The following NBPF26 variants were observed in gnomAD, a reference collection of about 807,000 sequenced individuals.
NBPF26 encodes NBPF family member NBPF26.
NBPF26 carries 79 observed loss-of-function variants against 119.6 expected under a neutral mutation model. The ratio of observed to expected loss-of-function variants is 0.66; its 90% CI spans 0.55 to 0.80. The LOEUF is 0.80. NBPF26 is among the 30% of genes least tolerant of loss of function. The probability of loss-of-function intolerance (pLI) is 0.00; values close to 1 mark genes in which losing one functional copy is unlikely to be tolerated. For missense variants in NBPF26, 800 were observed against 1,198.2 expected (o/e 0.67, Z 4.91); for synonymous variants, 299 against 457.7 (o/e 0.65, Z 4.43).
chr1:120,759,011 T>A (rs1651105422), intron 1 of NBPF26, among the ~76,000 whole-genome samples: 2 of 111,836 alleles, frequency 1.8e-5, no homozygotes, highest in African/African-American at 1.1e-4. Context: ...ATTTTATTAA[T>A]TTTTTAGCCA....
Position 120,805,632 on chromosome 1 carries a change from G to A in NBPF26, c.828G>A (p.Glu276=). 3 of 1,462,868 alleles carry A rather than the reference G, an allele frequency of 2.1e-6. 1 individual carries two copies. Among genetic ancestry groups the A allele is most frequent in the Non-Finnish European group, 2.8e-6 (3 of 1,081,656 alleles). The allele number at this position is 1,462,868 out of a possible 1,614,324, so 90.6% of individuals were successfully genotyped here. ...GCCATTGGTCCAGTGAGAAGGCAGAGATGAACATTCTAGAAATCAACGAGA... is the reference window on the plus strand; with the variant it reads ...GCCATTGGTCCAGTGAGAAGGCAGAAATGAACATTCTAGAAATCAACGAGA... The change falls in exon 5 of 30, where the codon GAG becomes GAA. Residue 276 remains glutamate (E), a synonymous_variant. Coordinates refer to ENST00000620612, the Ensembl canonical transcript of NBPF26.
At chr1:120,823,499 G>A (rs1652172223) in intron 17 of NBPF26, 139 bp downstream of exon 17, 1 of 592,106 alleles carries the variant, frequency 1.7e-6, no homozygotes, top group Non-Finnish European at 2.9e-6. Context: ...TTGCTTTTTG[G>A]TTCTCATTAG....
At chr1:120,763,645 G>A in exon 2 of NBPF26, 1 of 1,401,504 alleles carries the variant, frequency 7.1e-7, no homozygotes, top group Non-Finnish European at 9.6e-7. Flanking sequence ...GTGTCGAGAT[G>A]GCTATGAACC....
At position 120,818,191 on chromosome 1, in the gene NBPF26, G is replaced by A; in HGVS notation, c.2423+17G>A. On this transcript the variant is annotated intron_variant, in intron 15 of 29. Transcript: ENST00000620612. ...GTCTCCCAGGTAATGTTGTGGAATT[G>A]TTGGCTGTTAATTCAGTAGTGACAT... 3 of 485,644 alleles carry A rather than the reference G, an allele frequency of 6.2e-6. No homozygotes were observed. The highest frequency in any genetic ancestry group is 3.0e-5 in the East Asian group (1 of 33,446). 30.1% of individuals were successfully genotyped at this position (485,644 alleles called of 1,614,324 possible).
In NBPF26 at chr1:120,812,059, C is replaced by G. The variant is rs1553271070; in HGVS notation, c.1738C>G (p.Leu580Val). 1.9e-5 allele frequency: 25 copies of G among 1,287,544 alleles called. 3 individuals carry two copies. The highest frequency in any genetic ancestry group is 2.6e-5 in the Non-Finnish European group (25 of 943,460). 79.8% of individuals were successfully genotyped at this position (1,287,544 alleles called of 1,614,324 possible). Residue 580 changes from leucine to valine, a missense_variant, in exon 10 of 30, where the codon CTG becomes GTG. By Grantham distance (32) the Leu-to-Val change is conservative. Coordinates refer to ENST00000620612, the Ensembl canonical transcript of NBPF26. Reference sequence around the variant, plus strand: ...CAAAGAGAAATGTTTTCTAACTCAACTGGCCGGCTTCCTGGCCAACCAGCA... The same window carrying G: ...CAAAGAGAAATGTTTTCTAACTCAAGTGGCCGGCTTCCTGGCCAACCAGCA...
intron 10 of NBPF26, 56 bp downstream of exon 10, chr1:120,812,151 C>T: frequency 1.0e-6 from 1 of 992,832 alleles, no homozygotes; most frequent in South Asian, 1.4e-5. Flanking sequence ...TGTCTTCTCT[C>T]TGAGACACTA....
Position 120,805,544 on chromosome 1 carries a change from T to A in NBPF26, c.752-12T>A, listed in dbSNP as rs1651660905. On this transcript the variant is annotated splice_polypyrimidine_tract_variant and intron_variant, in intron 4 of 29. Transcript: ENST00000620612. ...TTTTAACCCATCATATGTTTGGGTT[T>A]CTTCTCCCCAGTCCCTGACTCCACC... 2.3e-6 allele frequency: 3 copies of A among 1,307,902 alleles called. 1 individual carries two copies. In the South Asian group the frequency reaches 3.7e-5, roughly 16 times the overall value. 81.0% of individuals were successfully genotyped at this position (1,307,902 alleles called of 1,614,324 possible).
rs1417371856 is a variant in NBPF26, at chr1:120,807,427, T to G, written c.962-180T>G. On this transcript the variant is annotated intron_variant, in intron 5 of 29. Coordinates refer to ENST00000620612, the Ensembl canonical transcript of NBPF26. The stretch of plus-strand genomic sequence containing the variant: ...TTTCTCTTTCTTCGTCTTTAAATTT[T>G]GGAGGATCAGATGCCAGAAAGTCAG... Among the ~76,000 whole-genome samples the G allele has an allele frequency of 1.7e-4, 21 of 121,268 alleles. 6 individuals are homozygous for G. The highest frequency in any genetic ancestry group is 2.4e-4 in the Admixed American group (3 of 12,668). The allele number at this position is 121,268 out of a possible 152,430, so 79.6% of individuals were successfully genotyped here.
chr1:120,840,538 T>A lies in NBPF26; in HGVS notation c.4292T>A (p.Leu1431Ter). The stretch of plus-strand genomic sequence containing the variant: ...TACGTGGACAATAGGTTTTTTACTT[T>A]GACGGTGACAAGTCTCCACCTGGTG... The change falls in exon 30 of 30, where the codon TTG becomes TAG. Residue 1431 changes from leucine to a stop codon, truncating the protein, a stop_gained. Transcript: ENST00000620612. LOFTEE classifies it low-confidence loss of function (END_TRUNC). 3 of 1,469,766 alleles carry A rather than the reference T, an allele frequency of 2.0e-6. 1 individual carries two copies. Among genetic ancestry groups the A allele is most frequent in the Non-Finnish European group, 2.8e-6 (3 of 1,086,296 alleles). The allele number at this position is 1,469,766 out of a possible 1,614,324, so 91.0% of individuals were successfully genotyped here.
chr1:120,813,979 A>C (rs1651942148), exon 11 of NBPF26: 2 of 1,499,268 alleles, frequency 1.3e-6, no homozygotes, highest in East Asian at 4.5e-5. Flanking sequence ...AGCTCAAGCA[A>C]GCTGAGGAGC....
rs1304804243 is a variant in NBPF26, at chr1:120,758,988, A to G, written c.74-4640A>G. On this transcript the variant is annotated intron_variant, in intron 1 of 29. Transcript: ENST00000620612. ...TTTCCAATGGAACTTATCGCTTATT[A>G]CTGTCCTAAATTATTTTATTAATTT... Among the ~76,000 whole-genome samples, 6 of 110,836 alleles carry G rather than the reference A, an allele frequency of 5.4e-5. 1 individual carries two copies. The highest frequency in any genetic ancestry group is 1.0e-4 in the Non-Finnish European group (6 of 59,308). 72.7% of individuals were successfully genotyped at this position (110,836 alleles called of 152,430 possible).
rs1444363569 is a variant in NBPF26, at chr1:120,801,627, C to T, written c.752-3929C>T. Reference sequence around the variant, plus strand: ...GGAGGATCGCTTGAGGCCAGAAGTTCAAAACCAGCCTGAGCAACATAGCAA... The same window carrying T: ...GGAGGATCGCTTGAGGCCAGAAGTTTAAAACCAGCCTGAGCAACATAGCAA... On this transcript the variant is annotated intron_variant, in intron 4 of 29. Transcript: ENST00000620612. Among the ~76,000 whole-genome samples the T allele has an allele frequency of 3.9e-5, 4 of 102,310 alleles. 1 individual carries two copies. The highest frequency in any genetic ancestry group is 1.3e-4 in the African/African-American group (2 of 15,870). The allele number at this position is 102,310 out of a possible 152,430, so 67.1% of individuals were successfully genotyped here.
Position 120,727,294 on chromosome 1 carries a change from A to T in NBPF26, c.73+3044A>T, listed in dbSNP as rs1175281240. Among the ~76,000 whole-genome samples, 2 of 98,984 alleles carry T rather than the reference A, an allele frequency of 2.0e-5. 1 individual carries two copies. Among genetic ancestry groups the T allele is most frequent in the Non-Finnish European group, 3.7e-5 (2 of 53,634 alleles). The allele number at this position is 98,984 out of a possible 152,430, so 64.9% of individuals were successfully genotyped here. ...TGGTTGCAACCCACTGATTAAGTAC[A>T]TTTTTTTTTACCTTCAGGTGTGTGT... On this transcript the variant is annotated intron_variant, in intron 1 of 29. Transcript: ENST00000620612.
chr1:120,759,720 A>G lies in NBPF26; in HGVS notation c.74-3908A>G, dbSNP rs1209834180. 8.5e-4 allele frequency among the ~76,000 whole-genome samples: 96 copies of G among 113,172 alleles called. 17 individuals carry two copies. The highest frequency in any genetic ancestry group is 3.8e-3 in the Admixed American group (44 of 11,718). 74.2% of individuals were successfully genotyped at this position (113,172 alleles called of 152,430 possible). A position where few individuals can be genotyped will look rare whatever the true frequency, so the allele number is the denominator to read the frequency against. ...CTTTTTTTAAAAATTAGAATTGTCA[A>G]TTTATAGTTGTATACATTTATAGGG... is the stretch of plus-strand genomic sequence containing the variant. On this transcript the variant is annotated intron_variant, in intron 1 of 29. Coordinates refer to ENST00000620612, the Ensembl canonical transcript of NBPF26.
chr1:120,804,729 T>G (rs1651637529), intron 4 of NBPF26, among the ~76,000 whole-genome samples: 1 of 116,918 alleles, frequency 8.6e-6, no homozygotes, highest in African/African-American at 5.0e-5. Context: ...GACGTAGGGA[T>G]GTCAAACTGG....
At chr1:120,808,080 T>C (rs1651748704) in intron 6 of NBPF26, among the ~76,000 whole-genome samples, 1 of 119,680 alleles carries the variant, frequency 8.4e-6, no homozygotes. Context: ...CGGCTTCTCA[T>C]TCTTTCACTC....
rs1177031452 is a variant in NBPF26, at chr1:120,823,752, CTGTGTGTGTG to C, written c.2640-192_2640-183del. The stretch of plus-strand genomic sequence containing the variant: ...ACCTGACCAATTCACTGAGCTCGCT[CTGTGTGTGTG>C]TGTGTGTGTGTGTGTGTGTGTGTGT... On this transcript the variant is annotated intron_variant, in intron 17 of 29. Coordinates refer to ENST00000620612, the Ensembl canonical transcript of NBPF26. Among the ~76,000 whole-genome samples the C allele has an allele frequency of 3.0e-4, 22 of 73,372 alleles. 4 individuals carry two copies. Among genetic ancestry groups the C allele is most frequent in the African/African-American group, 6.8e-4 (6 of 8,860 alleles). The allele number at this position is 73,372 out of a possible 152,430, so 48.1% of individuals were successfully genotyped here.
Position 120,816,837 on chromosome 1 carries a change from G to A in NBPF26, c.2371+10G>A, listed in dbSNP as rs1652018330. Reference sequence around the variant, plus strand: ...GTACACATTATTCCAGGTAGCCTCTGTTTTCCTTGTGTCTCATACCTCTTT... The same window carrying A: ...GTACACATTATTCCAGGTAGCCTCTATTTTCCTTGTGTCTCATACCTCTTT... On this transcript the variant is annotated intron_variant, in intron 14 of 29. Transcript: ENST00000620612. 5 of 1,448,474 alleles carry A rather than the reference G, an allele frequency of 3.5e-6. No homozygotes were observed. The highest frequency in any genetic ancestry group is 1.2e-5 in the South Asian group (1 of 83,706). 89.7% of individuals were successfully genotyped at this position (1,448,474 alleles called of 1,614,324 possible). A position where few individuals can be genotyped will look rare whatever the true frequency, so the allele number is the denominator to read the frequency against.
rs1222222014 is a variant in NBPF26 at position 120,805,156 on chromosome 1, T to A, written c.752-400T>A. Among the ~76,000 whole-genome samples the A allele has an allele frequency of 2.5e-5, 3 of 121,106 alleles. 1 individual carries two copies. The highest frequency in any genetic ancestry group is 4.9e-5 in the Non-Finnish European group (3 of 61,558). The allele number at this position is 121,106 out of a possible 152,430, so 79.5% of individuals were successfully genotyped here. On this transcript the variant is annotated intron_variant, in intron 4 of 29. Transcript: ENST00000620612. ...AGGGTACACGAATACTGAGAGTGAA[T>A]GCTGAAGGAATGATCCCCATTGGTG...
Sources: allele counts gnomAD v4.1 joint callset (sites outside exome capture counted in the v4.1 genomes callset), GRCh38; gene constraint gnomAD v4.1.1; transcripts MANE v1.5; gene names NCBI Gene and HGNC (gene_info 2026-07-23, HGNC 2026-07-21).